RALYL: variants seen among roughly 807,000 people sequenced by gnomAD.
The protein encoded by RALYL is RNA-binding Raly-like protein.
A neutral mutation model predicts 35.1 loss-of-function variants in RALYL; 29 were observed. That is an observed-to-expected ratio of 0.83 (90% CI 0.61 to 1.13). The LOEUF (loss-of-function observed/expected upper bound fraction) is 1.13. RALYL is among the 50% of genes most tolerant of loss of function. The probability of loss-of-function intolerance (pLI) is 0.00; values close to 1 mark genes in which losing one functional copy is unlikely to be tolerated. For missense variants in RALYL, 359 were observed against 360.4 expected, an observed-to-expected ratio of 1.00 and a Z score of 0.03; for synonymous variants, 120 against 127.6, an observed-to-expected ratio of 0.94 and a Z score of 0.40.
At chr8:84,904,611 GAAAT>G (rs1415647903) in intron 8 of RALYL, among the ~76,000 whole-genome samples, 1 of 151,484 alleles carries the variant, frequency 6.6e-6, no homozygotes, top group African/African-American at 2.4e-5. Flanking sequence ...TCATGAGAAA[GAAAT>G]AGTTCACGGG....
intron 2 of RALYL, among the ~76,000 whole-genome samples, chr8:84,705,673 T>G (rs2132387998): frequency 6.6e-6 from 1 of 152,308 alleles, no homozygotes; most frequent in East Asian, 1.9e-4. Flanking sequence ...ATATTTAGAT[T>G]TTCAGTTTTG....
At chr8:84,842,596 G>A (rs1236489985) in intron 4 of RALYL, among the ~76,000 whole-genome samples, 3 of 152,176 alleles carry the variant, frequency 2.0e-5, no homozygotes, top group African/African-American at 7.2e-5. Flanking sequence ...GAAAAAGAAG[G>A]AATCCTCCCT....
intron 1 of RALYL, among the ~76,000 whole-genome samples, chr8:84,367,318 A>ATTTGTTTTTGTTTTTGTT (rs756622990): frequency 2.6e-4 from 7 of 27,400 alleles, no homozygotes; most frequent in Non-Finnish European, 5.9e-4. Context: ...TAATTTTTGT[A>ATTTGTTTTTGTTTTTGTT]TTTTTTTTTT....
At chr8:84,647,704 C>T (rs112815208) in intron 2 of RALYL, among the ~76,000 whole-genome samples, 1 of 152,126 alleles carries the variant, frequency 6.6e-6, no homozygotes, top group Non-Finnish European at 1.5e-5. Context: ...ATGAAGCTTA[C>T]ATTCCATGGA....
At chr8:84,771,386 G>A (rs1815474978) in intron 2 of RALYL, among the ~76,000 whole-genome samples, 1 of 151,974 alleles carries the variant, frequency 6.6e-6, no homozygotes, top group Non-Finnish European at 1.5e-5. Context: ...TATACCGTAT[G>A]GTACACATGT....
intron 1 of RALYL, among the ~76,000 whole-genome samples, chr8:84,192,954 C>T (rs375965846): frequency 6.7e-6 from 1 of 149,060 alleles, no homozygotes; most frequent in East Asian, 2.0e-4. Context: ...CATTTGTTAA[C>T]CAACTTTAAA....
At chr8:84,878,169 G>C (rs1387776342) in intron 7 of RALYL, among the ~76,000 whole-genome samples, 4 of 152,136 alleles carry the variant, frequency 2.6e-5, no homozygotes, top group Non-Finnish European at 5.9e-5. Context: ...TTTGAAAGAA[G>C]GCTGGAGAAG....
intron 2 of RALYL, among the ~76,000 whole-genome samples, chr8:84,609,245 G>A (rs1386024435): frequency 6.6e-6 from 1 of 152,126 alleles, no homozygotes; most frequent in African/African-American, 2.4e-5. Context: ...AAACAGTTAA[G>A]GGGTCTGAGT....
At chr8:84,412,935 T>C (rs1340583578) in intron 1 of RALYL, among the ~76,000 whole-genome samples, 1 of 151,804 alleles carries the variant, frequency 6.6e-6, no homozygotes, top group Non-Finnish European at 1.5e-5. Flanking sequence ...GTCCTACAGT[T>C]TGTGGAAGAT....
At chr8:84,529,726 C>A in intron 2 of RALYL, 149 bp downstream of exon 2, 1 of 646,800 alleles carries the variant, frequency 1.5e-6, no homozygotes. Flanking sequence ...TTTTCATCCT[C>A]ATATTGTTTT....
intron 2 of RALYL, among the ~76,000 whole-genome samples, chr8:84,570,925 T>C (rs1807818665): frequency 6.6e-6 from 1 of 152,064 alleles, no homozygotes; most frequent in African/African-American, 2.4e-5. Flanking sequence ...ATGCATGGAA[T>C]AAAACCCACT....
intron 2 of RALYL, among the ~76,000 whole-genome samples, chr8:84,654,385 G>T (rs965518793): frequency 8.9e-5 from 13 of 145,650 alleles, no homozygotes; most frequent in Admixed American, 4.9e-4. Flanking sequence ...AATCACATCA[G>T]GGTAAATGGG....
At chr8:84,309,650 C>T (rs191763213) in intron 1 of RALYL, among the ~76,000 whole-genome samples, 23 of 151,992 alleles carry the variant, frequency 1.5e-4, no homozygotes, top group African/African-American at 4.8e-4. Context: ...ACGAAATAAG[C>T]ATATAATTTA....
At chr8:84,346,548 A>C (rs184085228) in intron 1 of RALYL, among the ~76,000 whole-genome samples, 143 of 152,192 alleles carry the variant, frequency 9.4e-4, no homozygotes, top group African/African-American at 3.4e-3. Flanking sequence ...GGCCAATTGC[A>C]ACCTTCGCCT....
At chr8:84,882,582 T>C (rs151163267) in intron 7 of RALYL, among the ~76,000 whole-genome samples, 80 of 152,218 alleles carry the variant, frequency 5.3e-4, no homozygotes, top group African/African-American at 1.8e-3. Context: ...ATATTTATTT[T>C]AATTAGTTGA....
intron 2 of RALYL, among the ~76,000 whole-genome samples, chr8:84,694,028 A>G (rs1187677456): frequency 6.6e-6 from 1 of 151,942 alleles, no homozygotes; most frequent in Non-Finnish European, 1.5e-5. Context: ...AATGGTGGAA[A>G]GTTGAAAGTT....
chr8:84,480,197 A>T (rs1346194067), intron 1 of RALYL, among the ~76,000 whole-genome samples: 1 of 152,168 alleles, frequency 6.6e-6, no homozygotes, highest in African/African-American at 2.4e-5. Flanking sequence ...ATCAAGAAAT[A>T]TCTATCTAAT....
At chr8:84,819,026 A>G (rs1827939566) in intron 4 of RALYL, among the ~76,000 whole-genome samples, 1 of 152,138 alleles carries the variant, frequency 6.6e-6, no homozygotes, top group Admixed American at 6.5e-5. Flanking sequence ...CTAATGGCCA[A>G]TTCAATGCCT....
At chr8:84,437,654 G>T (rs2047888154) in intron 1 of RALYL, among the ~76,000 whole-genome samples, 1 of 152,068 alleles carries the variant, frequency 6.6e-6, no homozygotes, top group Non-Finnish European at 1.5e-5. Flanking sequence ...ATGTTGAATT[G>T]TAATTCCTAG....
Sources: gnomAD v4.1 joint callset for allele counts (sites outside exome capture counted in the v4.1 genomes callset) on GRCh38, gnomAD v4.1.1 for gene constraint, MANE v1.5 for transcripts, NCBI Gene and HGNC (gene_info 2026-07-23, HGNC 2026-07-21) for gene names.